Variants in TRPM2 observed in about 807,000 individuals in gnomAD.
TRPM2 encodes transient receptor potential cation channel subfamily M member 2, also known as estrogen-responsive element-associated gene 1 protein.
Under a neutral mutation model 174.0 loss-of-function variants are expected in TRPM2, and 161 were observed. The observed-to-expected ratio is 0.93, with a 90% CI of 0.81 to 1.05. The LOEUF (loss-of-function observed/expected upper bound fraction) is 1.05. Among genes scored for constraint, TRPM2 ranks in the 50% least tolerant of loss-of-function variants. TRPM2 has a pLI of 0.00. For missense variants in TRPM2, 2,057 were observed against 2,038.0 expected, an observed-to-expected ratio of 1.01 and a Z score of -0.18; for synonymous variants, 954 against 861.3, an observed-to-expected ratio of 1.11 and a Z score of -1.88.
intron 16 of TRPM2, among the ~76,000 whole-genome samples, chr21:44,403,131 A>G (rs2049684957): frequency 6.6e-6 from 1 of 152,148 alleles, no homozygotes; most frequent in South Asian, 2.1e-4. Context: ...ACAAGGGGCC[A>G]GAGGCCTCCA....
chr21:44,404,152 G>C (rs1014419114), intron 16 of TRPM2, among the ~76,000 whole-genome samples: 4 of 150,038 alleles, frequency 2.7e-5, no homozygotes, highest in Admixed American at 2.6e-4. Flanking sequence ...CACACATACA[G>C]ACACATACAC....
rs764612259 is a variant in TRPM2, at chr21:44,426,645, CCT to C, written c.3796-14_3796-13del. 6.2e-6 allele frequency: 10 copies of C among 1,614,066 alleles called. No homozygotes were observed. The South Asian group carries it at 8.8e-5, about 14-fold the overall frequency. ...GGGGTAAAAATCTGAGGGAAAACTC[CCT>C]GTTTTGCGACAGACGGAGTTCCTGA... is the stretch of plus-strand genomic sequence containing the variant. On this transcript the variant is annotated splice_polypyrimidine_tract_variant and intron_variant, in intron 25 of 31. Transcript: ENST00000397928.
At position 44,397,761 on chromosome 21, in the gene TRPM2, C is replaced by G. The variant is rs755478549; in HGVS notation, c.1947C>G (p.Ile649Met). 5 of 1,590,294 alleles carry G rather than the reference C, an allele frequency of 3.1e-6. No homozygotes were observed. The South Asian group carries it at 5.7e-5, about 18-fold the overall frequency. Residue 649 changes from isoleucine to methionine, a missense_variant, in exon 13 of 32, where the codon ATC becomes ATG. Transcript: ENST00000397928. The part of the protein sequence containing the change: ...GIIWAQSQDC[I>M]AAALACSKIL... Reference sequence around the variant, plus strand: ...CTGGTCCCCAGAGCCAGGACTGCATCGCAGCGGCCTTGGCCTGCAGCAAGA... The same window carrying G: ...CTGGTCCCCAGAGCCAGGACTGCATGGCAGCGGCCTTGGCCTGCAGCAAGA...
chr21:44,372,988 C>G (rs188191150), intron 5 of TRPM2, among the ~76,000 whole-genome samples: 2 of 152,286 alleles, frequency 1.3e-5, no homozygotes, highest in African/African-American at 4.8e-5. Flanking sequence ...GTTGATATAA[C>G]ATTTGTGAAA....
chr21:44,380,599 C>G (rs1043532430), intron 8 of TRPM2, among the ~76,000 whole-genome samples: 2 of 152,204 alleles, frequency 1.3e-5, no homozygotes, highest in African/African-American at 4.8e-5. Flanking sequence ...CGCTGATGCT[C>G]CTGCTCAGTG....
At position 44,423,629 on chromosome 21, in the gene TRPM2, C is replaced by A; in HGVS notation, c.3462-16C>A. 6.2e-7 allele frequency: 1 copy of A among 1,608,594 alleles called. No homozygotes were observed. Among genetic ancestry groups the A allele is most frequent in the Non-Finnish European group, 8.5e-7 (1 of 1,178,048 alleles). On this transcript the variant is annotated splice_polypyrimidine_tract_variant and intron_variant, in intron 22 of 31. Transcript: ENST00000397928. ...AAGGTGTGGTGTGCGTCCAGCTCAGCTGCTTCCTCTTTCAGGGTTGACGCC... is the reference window on the plus strand; with the variant it reads ...AAGGTGTGGTGTGCGTCCAGCTCAGATGCTTCCTCTTTCAGGGTTGACGCC...
At chr21:44,431,431 G>A (rs924793865) in intron 27 of TRPM2, among the ~76,000 whole-genome samples, 6 of 151,780 alleles carry the variant, frequency 4.0e-5, no homozygotes, top group South Asian at 2.1e-4. Context: ...GAGCCACCAC[G>A]CCCAGCATAG....
intron 19 of TRPM2, among the ~76,000 whole-genome samples, chr21:44,412,142 A>G (rs2050128904): frequency 1.3e-5 from 2 of 152,096 alleles, no homozygotes; most frequent in South Asian, 4.1e-4. Flanking sequence ...CTCCTCTTAT[A>G]TTTTGGAAGA....
In TRPM2 at chr21:44,401,728, CCTT is replaced by C. The variant is rs2049624906; in HGVS notation, c.2374_2376del (p.Phe792del). ...GGCACCCCCGCGGCCCGCGCCCGTG[CCTT>C]CTTCACCGCACCCGTGGTGGTCTTC... is the stretch of plus-strand genomic sequence containing the variant. On this transcript the variant is annotated inframe_deletion, in exon 16 of 32. Transcript: ENST00000397928. 2 of 1,613,392 alleles carry C rather than the reference CCTT, an allele frequency of 1.2e-6. No individual in the cohort carries two copies. The highest frequency in any genetic ancestry group is 2.7e-5 in the African/African-American group (2 of 74,924).
chr21:44,403,937 T>C (rs2049742771), intron 16 of TRPM2, among the ~76,000 whole-genome samples: 1 of 136,068 alleles, frequency 7.3e-6, no homozygotes, highest in Non-Finnish European at 1.5e-5. Flanking sequence ...GTACACAATA[T>C]ACACATACAC....
At chr21:44,396,563 AAGGGGTGTGGAGGCTGTGG>A (rs1569060062) in intron 12 of TRPM2, among the ~76,000 whole-genome samples, 1 of 7,390 alleles carries the variant, frequency 1.4e-4, no homozygotes, top group Non-Finnish European at 2.3e-4. Context: ...GGAGGCTGTG[AAGGGGTGTGGAGGCTGTGG>A]AGGGGTGTAG....
At chr21:44,377,181 G>A (rs2048729904) in intron 6 of TRPM2, among the ~76,000 whole-genome samples, 1 of 152,210 alleles carries the variant, frequency 6.6e-6, no homozygotes, top group Non-Finnish European at 1.5e-5. Flanking sequence ...AGAGTTTGCT[G>A]CCTGGGGAAA....
intron 16 of TRPM2, among the ~76,000 whole-genome samples, chr21:44,403,666 T>C (rs887148371): frequency 8.7e-5 from 13 of 149,152 alleles, no homozygotes; most frequent in African/African-American, 2.0e-4. Flanking sequence ...CACACATGCA[T>C]ACACACATGC....
Position 44,399,470 on chromosome 21 carries a change from C to T in TRPM2, c.2208+29C>T. Reference sequence around the variant, plus strand: ...ACCTCCCAAGAGCCCCTTCCAGAAACAGACGCCTGTGGTGCCTGCAGGGCG... The same window carrying T: ...ACCTCCCAAGAGCCCCTTCCAGAAATAGACGCCTGTGGTGCCTGCAGGGCG... On this transcript the variant is annotated intron_variant, in intron 14 of 31. Transcript: ENST00000397928. The surrounding 1 kb of genome is among the most constrained non-coding windows in gnomAD (Gnocchi z 4.6). 1.3e-6 allele frequency: 2 copies of T among 1,599,456 alleles called. No individual in the cohort carries two copies. The highest frequency in any genetic ancestry group is 1.7e-6 in the Non-Finnish European group (2 of 1,172,648).
chr21:44,394,531 G>A lies in TRPM2; in HGVS notation c.1795-883G>A, dbSNP rs192550383. On this transcript the variant is annotated intron_variant, in intron 11 of 31. Transcript: ENST00000397928. ...AGATGGGGTTTCACTGCGTTAGCCA[G>A]GATGGTCTCGATCTCCTGACCTCGT... Among the ~76,000 whole-genome samples the A allele has an allele frequency of 3.3e-5, 5 of 151,668 alleles. No individual in the cohort carries two copies. The East Asian group carries it at 7.9e-4, about 24-fold the overall frequency.
At chr21:44,437,441 G>A (rs763130282) in intron 29 of TRPM2, among the ~76,000 whole-genome samples, 1 of 152,278 alleles carries the variant, frequency 6.6e-6, no homozygotes, top group Admixed American at 6.5e-5. Flanking sequence ...GCTGGGCTGC[G>A]GCTGGAGGCC....
At chr21:44,440,207 C>A (rs187639158) in intron 30 of TRPM2, among the ~76,000 whole-genome samples, 12 of 143,712 alleles carry the variant, frequency 8.4e-5, no homozygotes, top group Non-Finnish European at 1.5e-4. Flanking sequence ...CCTGATGGCG[C>A]ACACCTGTAA....
rs763338285 is a variant in TRPM2 at position 44,382,754 on chromosome 21, G to A, written c.1252G>A (p.Val418Ile). 1.3e-5 allele frequency: 21 copies of A among 1,613,996 alleles called. 1 individual carries two copies. Among genetic ancestry groups the A allele is most frequent in the Non-Finnish European group, 1.2e-5 (14 of 1,180,026 alleles). Residue 418 changes from valine (V) to isoleucine (I), a missense_variant, in exon 9 of 32, where the codon GTC (valine) becomes ATC (isoleucine). Physicochemically the swap from Val to Ile is conservative, Grantham distance 29 (BLOSUM62 3). Coordinates refer to ENST00000397928, the MANE Select transcript of TRPM2 (RefSeq NM_003307.4). ...DIVRRRQLLT[V>I]FREGKDGQQD... ...CGTCCGGAGGCGGCAGCTGCTGACT[G>A]TCTTCCGGGAAGGCAAGGATGGTCA...
chr21:44,415,421 G>T, intron 20 of TRPM2: 1 of 152,396 alleles, frequency 6.6e-6, no homozygotes, highest in East Asian at 1.9e-4. Context: ...TGTGACGGTG[G>T]CAGTGAGCGT....
Sources: gnomAD v4.1 joint callset for allele counts (sites outside exome capture counted in the v4.1 genomes callset) on GRCh38, gnomAD v4.1.1 for gene constraint, Gnocchi (gnomAD v3.1) non-coding constraint, MANE v1.5 for transcripts, NCBI Gene and HGNC (gene_info 2026-07-23, HGNC 2026-07-21) for gene names.